The following RBMS3 variants were observed in gnomAD, a reference collection of about 807,000 sequenced individuals.
The protein encoded by RBMS3 is RNA-binding motif, single-stranded-interacting protein 3.
RBMS3 carries 27 observed loss-of-function variants against 66.8 expected under a neutral mutation model. That is an observed-to-expected ratio of 0.40 (90% CI 0.30 to 0.56). RBMS3 has a LOEUF of 0.56. RBMS3 is among the 20% of genes least tolerant of loss of function. The probability of loss-of-function intolerance (pLI) is 0.40; values close to 1 mark genes in which losing one functional copy is unlikely to be tolerated. For synonymous variants in RBMS3, 188 were observed against 183.0 expected, an observed-to-expected ratio of 1.03 and a Z score of -0.22; for missense variants, 513 against 549.5, an observed-to-expected ratio of 0.93 and a Z score of 0.66.
chr3:29,743,292 C>T (rs1410385130), intron 5 of RBMS3, among the ~76,000 whole-genome samples: 2 of 152,200 alleles, frequency 1.3e-5, no homozygotes, highest in Non-Finnish European at 2.9e-5. Flanking sequence ...TTCCACTCTG[C>T]TTTTCTCATC....
At chr3:29,456,377 TG>T (rs2042191312) in intron 2 of RBMS3, among the ~76,000 whole-genome samples, 1 of 152,174 alleles carries the variant, frequency 6.6e-6, no homozygotes, top group Admixed American at 6.5e-5. Flanking sequence ...AAGTATAGAA[TG>T]CATAAAGGCA....
intron 1 of RBMS3, among the ~76,000 whole-genome samples, chr3:29,301,124 A>G (rs1257200719): frequency 6.6e-6 from 1 of 151,996 alleles, no homozygotes; most frequent in Non-Finnish European, 1.5e-5. Context: ...CTCTAGACAA[A>G]CAGAAAACTG....
chr3:29,934,199 T>G (rs576553454), intron 10 of RBMS3: 1 of 152,088 alleles, frequency 6.6e-6, no homozygotes, highest in South Asian at 2.1e-4. Flanking sequence ...CATGTTGGAA[T>G]GTCTAAGGGC....
intron 3 of RBMS3, among the ~76,000 whole-genome samples, chr3:29,515,960 C>T (rs985629760): frequency 6.6e-6 from 1 of 152,084 alleles, no homozygotes; most frequent in Non-Finnish European, 1.5e-5. Flanking sequence ...AACAGAATGC[C>T]GGTAGGGAAG....
intron 4 of RBMS3, among the ~76,000 whole-genome samples, chr3:29,675,022 AC>A (rs1187570804): frequency 6.6e-6 from 1 of 152,202 alleles, no homozygotes; most frequent in Non-Finnish European, 1.5e-5. Flanking sequence ...GGCTACAGTA[AC>A]AAAAACAGCA....
intron 4 of RBMS3, among the ~76,000 whole-genome samples, chr3:29,675,060 T>A (rs4680841): frequency 0.61 from 92,730 of 151,938 alleles, 28,735 homozygotes; most frequent in African/African-American, 0.71. Context: ...ACAGCATGGT[T>A]CTGGTACCAA....
chr3:29,911,364 G>C (rs1278066624), intron 10 of RBMS3, among the ~76,000 whole-genome samples: 4 of 152,000 alleles, frequency 2.6e-5, no homozygotes, highest in Non-Finnish European at 5.9e-5. Flanking sequence ...TGACATTTGT[G>C]TGCCCTTCAA....
chr3:29,575,436 C>T (rs2047087565), intron 3 of RBMS3, among the ~76,000 whole-genome samples: 1 of 151,782 alleles, frequency 6.6e-6, no homozygotes, highest in South Asian at 2.1e-4. Context: ...CTTTCTTTAT[C>T]CTTGACTTTT....
At chr3:29,474,473 G>A (rs573845503) in intron 2 of RBMS3, among the ~76,000 whole-genome samples, 1 of 152,334 alleles carries the variant, frequency 6.6e-6, no homozygotes, top group African/African-American at 2.4e-5. Context: ...TGTGGATGTA[G>A]CAGAAAAAAG....
chr3:29,912,824 G>A (rs1051285993), intron 10 of RBMS3, among the ~76,000 whole-genome samples: 49 of 152,156 alleles, frequency 3.2e-4, no homozygotes, highest in African/African-American at 1.2e-3. Context: ...GAGCCAGGAT[G>A]TTATTAAATT....
intron 5 of RBMS3, among the ~76,000 whole-genome samples, chr3:29,741,123 T>A (rs551829912): frequency 6.6e-6 from 1 of 152,202 alleles, no homozygotes; most frequent in Non-Finnish European, 1.5e-5. Context: ...ATGTATATGT[T>A]AACTAATCTC....
chr3:29,915,844 C>A (rs116659725), intron 10 of RBMS3, among the ~76,000 whole-genome samples: 1 of 152,054 alleles, frequency 6.6e-6, no homozygotes, highest in South Asian at 2.1e-4. Flanking sequence ...AAGCAAGAAA[C>A]GTAATTCTGC....
At chr3:29,291,668 A>G (rs2032824817) in intron 1 of RBMS3, among the ~76,000 whole-genome samples, 1 of 151,772 alleles carries the variant, frequency 6.6e-6, no homozygotes, top group South Asian at 2.1e-4. Flanking sequence ...TAGGTTTTTT[A>G]TATGTATTAA....
intron 4 of RBMS3, among the ~76,000 whole-genome samples, chr3:29,714,994 A>G (rs2053331177): frequency 7.2e-6 from 1 of 139,486 alleles, no homozygotes; most frequent in Non-Finnish European, 1.6e-5. Context: ...CCTCATAGAT[A>G]ATAGTTTTAA....
intron 1 of RBMS3, among the ~76,000 whole-genome samples, chr3:29,361,649 A>T (rs1326177166): frequency 5.9e-5 from 9 of 152,318 alleles, no homozygotes; most frequent in Middle Eastern, 3.4e-3. Flanking sequence ...GTGTTTTCCA[A>T]CTTGGTTCCA....
intron 4 of RBMS3, among the ~76,000 whole-genome samples, chr3:29,626,298 C>T (rs1215539860): frequency 6.6e-6 from 1 of 151,992 alleles, no homozygotes; most frequent in Non-Finnish European, 1.5e-5. Flanking sequence ...GTTTGTGATT[C>T]AAAGGAGAAA....
intron 3 of RBMS3, among the ~76,000 whole-genome samples, chr3:29,560,485 A>G (rs1443059354): frequency 6.6e-6 from 1 of 152,226 alleles, no homozygotes; most frequent in Non-Finnish European, 1.5e-5. Flanking sequence ...ACATCACCAA[A>G]GACAAATAGA....
intron 4 of RBMS3, among the ~76,000 whole-genome samples, chr3:29,617,617 T>G (rs928732884): frequency 2.6e-5 from 4 of 152,148 alleles, no homozygotes; most frequent in African/African-American, 9.7e-5. Context: ...CTATATACAC[T>G]TACAGAAATC....
At chr3:29,805,278 A>T (rs1432636175) in intron 6 of RBMS3, among the ~76,000 whole-genome samples, 1 of 152,080 alleles carries the variant, frequency 6.6e-6, no homozygotes, top group Non-Finnish European at 1.5e-5. Context: ...TTCCAGTCAT[A>T]TAAAAGTATA....
Sources: gnomAD v4.1 joint callset for allele counts (sites outside exome capture counted in the v4.1 genomes callset) on GRCh38, gnomAD v4.1.1 for gene constraint, MANE v1.5 for transcripts, NCBI Gene and HGNC (gene_info 2026-07-23, HGNC 2026-07-21) for gene names.